Variants in BMPR1B observed in about 807,000 individuals in gnomAD.
The protein encoded by BMPR1B is bone morphogenetic protein receptor type 1B.
Under a neutral mutation model 59.1 loss-of-function variants are expected in BMPR1B, and 12 were observed. That is an observed-to-expected ratio of 0.20 (90% CI 0.13 to 0.33). The LOEUF (loss-of-function observed/expected upper bound fraction) is 0.33. BMPR1B is among the 10% of genes least tolerant of loss of function. The pLI, the probability that BMPR1B is intolerant of heterozygous loss-of-function variation, is 1.00. For missense variants in BMPR1B, 550 were observed against 610.9 expected (o/e 0.90, Z 1.05); for synonymous variants, 237 against 207.3 (o/e 1.14, Z -1.23).
chr4:94,835,845 G>T (rs916439767), intron 1 of BMPR1B, among the ~76,000 whole-genome samples: 1 of 151,280 alleles, frequency 6.6e-6, no homozygotes, highest in Non-Finnish European at 1.5e-5. Context: ...TGCCATGCTG[G>T]TGCGCTGCAC....
intron 10 of BMPR1B, among the ~76,000 whole-genome samples, chr4:95,142,221 G>C (rs1347258481): frequency 6.6e-6 from 1 of 152,236 alleles, no homozygotes; most frequent in Non-Finnish European, 1.5e-5. Flanking sequence ...AATTCTGCAA[G>C]TCAGTTCCTC....
At chr4:94,805,956 A>G (rs1169261911) in intron 1 of BMPR1B, among the ~76,000 whole-genome samples, 1 of 152,218 alleles carries the variant, frequency 6.6e-6, no homozygotes, top group Non-Finnish European at 1.5e-5. Flanking sequence ...AAGATTTTCC[A>G]TGCAACCTAG....
chr4:95,139,945 G>A (rs563376180), intron 10 of BMPR1B, among the ~76,000 whole-genome samples: 13 of 152,214 alleles, frequency 8.5e-5, no homozygotes, highest in East Asian at 1.9e-4. Context: ...CCCACTGTCC[G>A]ACAGGCCCCA....
intron 1 of BMPR1B, among the ~76,000 whole-genome samples, chr4:94,811,894 G>A (rs756564939): frequency 8.5e-5 from 13 of 152,096 alleles, no homozygotes; most frequent in Non-Finnish European, 1.5e-4. Flanking sequence ...CATATTCTGC[G>A]ATGTGGAAAT....
intron 8 of BMPR1B, 93 bp downstream of exon 8, chr4:95,125,214 G>T: frequency 1.3e-6 from 2 of 1,510,522 alleles, no homozygotes; most frequent in South Asian, 2.3e-5. Context: ...TAGGGCACTG[G>T]ACAAGGAGAA....
intron 3 of BMPR1B, among the ~76,000 whole-genome samples, chr4:95,053,281 TTGTGTGTGTGTGTGTGTG>T (rs60404669): frequency 1.5e-5 from 2 of 134,324 alleles, no homozygotes; most frequent in African/African-American, 2.8e-5. Context: ...TGCAGGGCAC[TTGTGTGTGTGTGTGTGTG>T]TGTGTGTGTG....
chr4:95,067,981 A>G (rs1390226385), intron 3 of BMPR1B, among the ~76,000 whole-genome samples: 2 of 152,208 alleles, frequency 1.3e-5, no homozygotes, highest in Non-Finnish European at 2.9e-5. Context: ...CAAGTTCCAC[A>G]TAGAGGGACC....
At chr4:95,003,524 A>T (rs1445053579) in intron 3 of BMPR1B, among the ~76,000 whole-genome samples, 5 of 152,174 alleles carry the variant, frequency 3.3e-5, no homozygotes, top group African/African-American at 1.2e-4. Context: ...GAGGCTGTGT[A>T]TGTTACTTAT....
rs188703962 is a variant in BMPR1B, at chr4:95,155,086, G to A, written c.*413G>A. On this transcript the variant is annotated 3_prime_UTR_variant, in exon 13 of 13. Coordinates refer to ENST00000515059, the MANE Select transcript of BMPR1B (RefSeq NM_001203.3). ...ATTCTTCCCAGGAACTCTGCTGGAA[G>A]GTAAATTAAAATACTTGTTTTTCCA... The A allele has an allele frequency of 1.9e-3, 346 of 179,544 alleles. No individual in the cohort carries two copies. The highest frequency in any genetic ancestry group is 3.2e-3 in the Admixed American group (58 of 17,932). 11.1% of individuals were successfully genotyped at this position (179,544 alleles called of 1,614,324 possible). A position where few individuals can be genotyped will look rare whatever the true frequency, so the allele number is the denominator to read the frequency against.
chr4:94,759,780 A>G (rs936320932), intron 1 of BMPR1B, among the ~76,000 whole-genome samples: 2 of 152,264 alleles, frequency 1.3e-5, no homozygotes, highest in African/African-American at 4.8e-5. Flanking sequence ...GTTACATCTT[A>G]GTGAAATATG....
In BMPR1B at chr4:95,124,994, A is replaced by G. The variant is rs1197682678; in HGVS notation, c.458A>G (p.Gln153Arg). ...ILFCYFRYKR[Q>R]ETRPRYSIGL... ...CTATCCATCTTTAGGTATAAAAGAC[A>G]AGAAACCAGACCTCGATACAGCATT... is the stretch of plus-strand genomic sequence containing the variant. Residue 153 changes from glutamine (Q) to arginine (R), a missense_variant, in exon 8 of 13, where the codon CAA (glutamine) becomes CGA (arginine). This residue lies in a region of BMPR1B where 318 missense variants were observed against 284.6 expected (regional missense o/e 1.12). Coordinates refer to ENST00000515059, the MANE Select transcript of BMPR1B (RefSeq NM_001203.3). The G allele has an allele frequency of 8.1e-6, 13 of 1,612,934 alleles. No individual in the cohort carries two copies. The highest frequency in any genetic ancestry group is 8.5e-6 in the Non-Finnish European group (10 of 1,179,070).
At chr4:94,928,965 G>A (rs1280259428) in intron 2 of BMPR1B, among the ~76,000 whole-genome samples, 1 of 151,988 alleles carries the variant, frequency 6.6e-6, no homozygotes, top group South Asian at 2.1e-4. Context: ...CAGACCATAA[G>A]ATTCATTTAA....
At chr4:94,969,001 A>G (rs1730669963) in intron 2 of BMPR1B, among the ~76,000 whole-genome samples, 1 of 151,644 alleles carries the variant, frequency 6.6e-6, no homozygotes, top group South Asian at 2.1e-4. Context: ...GAAGTTAGAT[A>G]GGCATAGTTT....
intron 10 of BMPR1B, among the ~76,000 whole-genome samples, chr4:95,147,085 T>A (rs1301017564): frequency 6.6e-6 from 1 of 151,128 alleles, no homozygotes; most frequent in East Asian, 1.9e-4. Flanking sequence ...ACACTTTAAC[T>A]TTTTTTTTAA....
intron 3 of BMPR1B, among the ~76,000 whole-genome samples, chr4:95,028,167 T>C (rs1015555162): frequency 1.3e-5 from 2 of 152,170 alleles, no homozygotes; most frequent in African/African-American, 4.8e-5. Context: ...CTAATTGGCA[T>C]CTCCCAGTTG....
intron 3 of BMPR1B, among the ~76,000 whole-genome samples, chr4:94,998,823 C>T (rs1490596550): frequency 6.6e-6 from 1 of 152,106 alleles, no homozygotes; most frequent in Admixed American, 6.6e-5. Context: ...TACTTTTGTT[C>T]TATATTAATC....
At chr4:95,074,931 G>A (rs1372072831) in intron 3 of BMPR1B, among the ~76,000 whole-genome samples, 1 of 152,112 alleles carries the variant, frequency 6.6e-6, no homozygotes, top group East Asian at 1.9e-4. Context: ...GATGAGCAAA[G>A]AAGTAAAGCA....
intron 1 of BMPR1B, among the ~76,000 whole-genome samples, chr4:94,782,817 C>T (rs775041067): frequency 7.2e-5 from 11 of 152,132 alleles, no homozygotes; most frequent in Non-Finnish European, 1.3e-4. Flanking sequence ...GTTTCTGGTG[C>T]CTGCTTTAAT....
chr4:95,126,338 A>G (rs946375373), intron 8 of BMPR1B, among the ~76,000 whole-genome samples: 1 of 152,204 alleles, frequency 6.6e-6, no homozygotes, highest in Non-Finnish European at 1.5e-5. Context: ...CTATAAAAAT[A>G]CTGTCTTGTT....
Sources: gnomAD v4.1 joint callset for allele counts (sites outside exome capture counted in the v4.1 genomes callset) on GRCh38, gnomAD v4.1.1 for gene constraint, gnomAD v4.1.1 regional missense constraint, MANE v1.5 for transcripts, NCBI Gene and HGNC (gene_info 2026-07-23, HGNC 2026-07-21) for gene names.